Variants in SFMBT2 observed in about 807,000 individuals in gnomAD.
The protein encoded by SFMBT2 is Scm like with four mbt domains 2.
A neutral mutation model predicts 110.1 loss-of-function variants in SFMBT2; 38 were observed. The ratio of observed to expected loss-of-function variants is 0.35; its 90% confidence interval spans 0.27 to 0.45. SFMBT2 has a LOEUF of 0.45. Among genes scored for constraint, SFMBT2 ranks in the 20% least tolerant of loss-of-function variants. The pLI is 1.00. For missense variants in SFMBT2, 1,011 were observed against 1,094.9 expected (o/e 0.92, Z 1.08); for synonymous variants, 425 against 425.4 (o/e 1.00, Z 0.01).
At chr10:7,233,410 C>A (rs1840166131) in intron 9 of SFMBT2, among the ~76,000 whole-genome samples, 1 of 152,196 alleles carries the variant, frequency 6.6e-6, no homozygotes, top group South Asian at 2.1e-4. Flanking sequence ...GAAGAAGGCT[C>A]TGAAGATCTC....
intron 17 of SFMBT2, among the ~76,000 whole-genome samples, chr10:7,175,035 A>C (rs992834040): frequency 6.6e-6 from 1 of 152,264 alleles, no homozygotes; most frequent in African/African-American, 2.4e-5. Flanking sequence ...TTTCCAGTAC[A>C]TTCAGATTCC....
chr10:7,349,606 C>T (rs919760543), intron 4 of SFMBT2, among the ~76,000 whole-genome samples: 5 of 151,420 alleles, frequency 3.3e-5, no homozygotes, highest in African/African-American at 1.2e-4. Flanking sequence ...TACAGGTGCC[C>T]GCCACCACAC....
At chr10:7,209,168 C>T (rs1265866484) in intron 11 of SFMBT2, among the ~76,000 whole-genome samples, 1 of 152,152 alleles carries the variant, frequency 6.6e-6, no homozygotes, top group Non-Finnish European at 1.5e-5. Flanking sequence ...AGACAGGAGA[C>T]CCAATAGCAT....
intron 12 of SFMBT2, chr10:7,204,414 T>C (rs1355888706): frequency 1.0e-6 from 1 of 985,406 alleles, no homozygotes; most frequent in Non-Finnish European, 1.2e-6. Context: ...ATCAAGAAAA[T>C]GTCAGAGACG....
chr10:7,378,765 C>T (rs1307263606), intron 2 of SFMBT2, among the ~76,000 whole-genome samples: 1 of 72,164 alleles, frequency 1.4e-5, no homozygotes, highest in Non-Finnish European at 2.8e-5. Flanking sequence ...GTGGGTGTGT[C>T]GCTGTGGGGT....
At chr10:7,168,800 TG>T (rs1837780319) in intron 20 of SFMBT2, among the ~76,000 whole-genome samples, 3 of 152,214 alleles carry the variant, frequency 2.0e-5, no homozygotes, top group Non-Finnish European at 4.4e-5. Context: ...CTTTCTTTCC[TG>T]TTTGTGTGTT....
chr10:7,331,853 T>A (rs1031207930), intron 4 of SFMBT2, among the ~76,000 whole-genome samples: 7 of 151,396 alleles, frequency 4.6e-5, no homozygotes, highest in African/African-American at 1.7e-4. Flanking sequence ...AAAAAAACAA[T>A]ACAAAAATTA....
chr10:7,376,888 C>T (rs1315761756), intron 2 of SFMBT2, among the ~76,000 whole-genome samples: 75 of 147,398 alleles, frequency 5.1e-4, no homozygotes, highest in African/African-American at 1.7e-3. Flanking sequence ...GAGAAAACAC[C>T]CGGCCGAGTG....
intron 2 of SFMBT2, among the ~76,000 whole-genome samples, chr10:7,376,849 A>G (rs1845232985): frequency 1.5e-5 from 1 of 66,372 alleles, no homozygotes; most frequent in Non-Finnish European, 2.6e-5. Context: ...CGGGGTGGAC[A>G]GTGGCAAAAA....
At chr10:7,247,141 G>C (rs1029329502) in intron 8 of SFMBT2, among the ~76,000 whole-genome samples, 2 of 152,080 alleles carry the variant, frequency 1.3e-5, no homozygotes, top group African/African-American at 4.8e-5. Flanking sequence ...TTTTGAGATG[G>C]AGTCTCACTT....
chr10:7,232,065 T>C (rs1191337798), intron 9 of SFMBT2, among the ~76,000 whole-genome samples: 1 of 152,144 alleles, frequency 6.6e-6, no homozygotes, highest in Non-Finnish European at 1.5e-5. Flanking sequence ...TAAAACCCCT[T>C]AGGCAATTAA....
chr10:7,235,906 T>C (rs1016010153), intron 9 of SFMBT2, among the ~76,000 whole-genome samples: 2 of 152,140 alleles, frequency 1.3e-5, no homozygotes, highest in African/African-American at 4.8e-5. Flanking sequence ...CTGACTAAAC[T>C]TATATCCACG....
intron 2 of SFMBT2, among the ~76,000 whole-genome samples, chr10:7,381,130 G>A (rs1393595251): frequency 6.6e-6 from 1 of 151,842 alleles, no homozygotes; most frequent in Non-Finnish European, 1.5e-5. Flanking sequence ...TGAATCGAAG[G>A]CTGTGTTTGA....
chr10:7,292,430 G>T (rs140922351), intron 4 of SFMBT2: 1 of 156,750 alleles, frequency 6.4e-6, no homozygotes, highest in Admixed American at 6.5e-5. Context: ...CAAACAAAAA[G>T]ATAGATCATA....
intron 4 of SFMBT2, among the ~76,000 whole-genome samples, chr10:7,328,974 C>G (rs1469654619): frequency 6.6e-6 from 1 of 152,198 alleles, no homozygotes; most frequent in African/African-American, 2.4e-5. Context: ...GCTTGGAAAA[C>G]TTGAGAGCTT....
At chr10:7,346,903 T>C (rs1341694056) in intron 4 of SFMBT2, among the ~76,000 whole-genome samples, 5 of 151,700 alleles carry the variant, frequency 3.3e-5, no homozygotes, top group African/African-American at 9.7e-5. Flanking sequence ...GGCAGGAGAA[T>C]TGCTTGAACC....
chr10:7,175,975 A>T lies in SFMBT2; in HGVS notation c.1984+15T>A, dbSNP rs1166819843. On this transcript the variant is annotated intron_variant, in intron 17 of 20. Transcript: ENST00000397167. The stretch of plus-strand genomic sequence containing the variant: ...TCTGGGCTCATGCATTTCTTTTTTC[A>T]TTATTTGTACTTACTGTATTTGGTT... 8 of 1,596,682 alleles carry T rather than the reference A, an allele frequency of 5.0e-6. No homozygotes were observed. Among genetic ancestry groups the T allele is most frequent in the Admixed American group, 3.4e-5 (2 of 58,330 alleles).
chr10:7,250,175 G>A (rs1055588082), intron 7 of SFMBT2, among the ~76,000 whole-genome samples: 3 of 151,934 alleles, frequency 2.0e-5, no homozygotes, highest in Admixed American at 2.0e-4. Flanking sequence ...TTGTTACATG[G>A]GCATACTATA....
At chr10:7,211,369 G>C (rs1564385597) in intron 11 of SFMBT2, among the ~76,000 whole-genome samples, 1 of 152,092 alleles carries the variant, frequency 6.6e-6, no homozygotes, top group Admixed American at 6.6e-5. Context: ...TGCTCACCGG[G>C]AAGTCACATG....
Sources: gnomAD v4.1 joint callset for allele counts (sites outside exome capture counted in the v4.1 genomes callset) on GRCh38, gnomAD v4.1.1 for gene constraint, MANE v1.5 for transcripts, NCBI Gene and HGNC (gene_info 2026-07-23, HGNC 2026-07-21) for gene names.